Variants in ZNF516 observed in about 807,000 individuals in gnomAD.
ZNF516 encodes zinc finger protein 516.
A neutral mutation model predicts 79.7 loss-of-function variants in ZNF516; 19 were observed. The ratio of observed to expected loss-of-function variants is 0.24; its 90% CI spans 0.17 to 0.35. The LOEUF is 0.35. ZNF516 is among the 10% of genes least tolerant of loss of function. The pLI, the probability that ZNF516 is intolerant of heterozygous loss-of-function variation, is 1.00. For missense variants in ZNF516, 1,678 were observed against 1,679.5 expected (o/e 1.00, Z 0.02); for synonymous variants, 877 against 739.5 (o/e 1.19, Z -3.02).
chr18:76,411,497 G>A (rs59709392), intron 3 of ZNF516, among the ~76,000 whole-genome samples: 2,836 of 152,318 alleles, frequency 0.019, 49 homozygotes, highest in African/African-American at 0.04. Context: ...AGAGTTAATA[G>A]ACAAGACACT....
chr18:76,446,131 C>G (rs899436015), intron 2 of ZNF516, among the ~76,000 whole-genome samples: 6 of 152,020 alleles, frequency 3.9e-5, no homozygotes, highest in Non-Finnish European at 8.8e-5. Flanking sequence ...CCTTCACGCC[C>G]TCAACTCGTC....
intron 1 of ZNF516, among the ~76,000 whole-genome samples, chr18:76,479,208 G>A (rs1379477124): frequency 2.0e-5 from 3 of 152,204 alleles, no homozygotes; most frequent in African/African-American, 7.2e-5. Context: ...TTGAATAAAA[G>A]GGGCCTTGAC....
At chr18:76,381,640 C>A (rs1292987398) in intron 3 of ZNF516, among the ~76,000 whole-genome samples, 1 of 152,190 alleles carries the variant, frequency 6.6e-6, no homozygotes, top group African/African-American at 2.4e-5. Context: ...AAGGCACTTG[C>A]CCAGATCTGA....
chr18:76,407,606 C>T (rs115220679), intron 3 of ZNF516, among the ~76,000 whole-genome samples: 1,643 of 152,330 alleles, frequency 0.011, 31 homozygotes, highest in African/African-American at 0.038. Flanking sequence ...CACTCGTCCA[C>T]CACCAAGCAT....
chr18:76,466,826 G>T (rs550599608), intron 1 of ZNF516, among the ~76,000 whole-genome samples: 1 of 152,354 alleles, frequency 6.6e-6, no homozygotes, highest in South Asian at 2.1e-4. Context: ...CAGGAGACAG[G>T]ATGACACAGA....
At chr18:76,365,376 C>A (rs1187635186) in intron 6 of ZNF516, among the ~76,000 whole-genome samples, 2 of 151,986 alleles carry the variant, frequency 1.3e-5, no homozygotes, top group Non-Finnish European at 2.9e-5. Flanking sequence ...TTCTTGGTTT[C>A]AAAAATCATT....
chr18:76,368,227 CTACCTAT>C (rs1034125273), intron 6 of ZNF516, among the ~76,000 whole-genome samples: 3 of 152,094 alleles, frequency 2.0e-5, no homozygotes, highest in African/African-American at 4.8e-5. Context: ...ATTTAAACCT[CTACCTAT>C]TACTGATGTG....
intron 1 of ZNF516, chr18:76,490,843 G>A (rs919309633): frequency 3.0e-6 from 3 of 985,472 alleles, no homozygotes; most frequent in South Asian, 4.7e-5. Flanking sequence ...GTTACGCAGG[G>A]GACACCCCTG....
chr18:76,412,512 C>T (rs1050884547), intron 3 of ZNF516, among the ~76,000 whole-genome samples: 5 of 152,182 alleles, frequency 3.3e-5, no homozygotes, highest in African/African-American at 4.8e-5. Context: ...ACTCTACGAA[C>T]CCACCTGGCG....
At chr18:76,388,714 A>G (rs1330326541) in intron 3 of ZNF516, 1 of 152,276 alleles carries the variant, frequency 6.6e-6, no homozygotes, top group African/African-American at 2.4e-5. Context: ...AAATCCCGTA[A>G]GGAAAAACAA....
At chr18:76,385,307 C>T (rs532368512) in intron 3 of ZNF516, among the ~76,000 whole-genome samples, 22 of 152,322 alleles carry the variant, frequency 1.4e-4, no homozygotes, top group South Asian at 2.1e-4. Context: ...CGCACACCGC[C>T]GACAAGCATG....
chr18:76,382,671 G>A (rs1306228152), intron 3 of ZNF516, among the ~76,000 whole-genome samples: 1 of 152,216 alleles, frequency 6.6e-6, no homozygotes, highest in African/African-American at 2.4e-5. Context: ...AGCACTTTGG[G>A]AGGCCGAGGC....
intron 3 of ZNF516, among the ~76,000 whole-genome samples, chr18:76,383,794 G>A (rs532416802): frequency 1.3e-5 from 2 of 152,352 alleles, no homozygotes; most frequent in East Asian, 3.9e-4. Flanking sequence ...AGGCCCAAGC[G>A]CTCCCCGCAT....
chr18:76,447,187 A>T (rs1435122543), intron 2 of ZNF516, among the ~76,000 whole-genome samples: 8 of 152,268 alleles, frequency 5.3e-5, no homozygotes, highest in African/African-American at 1.9e-4. Context: ...AAAAAAGAAC[A>T]AGAATGCTGT....
In ZNF516 at chr18:76,359,244, G is replaced by T. The variant is rs963603991; in HGVS notation, c.*3254C>A. The T allele has an allele frequency of 6.6e-6, 1 of 152,224 alleles. No individual in the cohort carries two copies. Among genetic ancestry groups the T allele is most frequent in the East Asian group, 1.9e-4 (1 of 5,172 alleles). 9.4% of individuals were successfully genotyped at this position (152,224 alleles called of 1,614,324 possible). ...TAAAAAATAAATAAGTAAATATTGG[G>T]GGACCTCTTAAAACACTTAATACTT... On this transcript the variant is annotated 3_prime_UTR_variant, in exon 7 of 7. Transcript: ENST00000443185.
At position 76,467,328 on chromosome 18, in the gene ZNF516, T is replaced by C. The variant is rs12967319; in HGVS notation, c.-271-4187A>G. 6.2e-4 allele frequency among the ~76,000 whole-genome samples: 67 copies of C among 108,038 alleles called. No individual in the cohort carries two copies. Among genetic ancestry groups the C allele is most frequent in the African/African-American group, 1.8e-3 (45 of 25,714 alleles). The allele number at this position is 108,038 out of a possible 152,430, so 70.9% of individuals were successfully genotyped here. On this transcript the variant is annotated intron_variant, in intron 1 of 6. Coordinates refer to ENST00000443185, the MANE Select transcript of ZNF516 (RefSeq NM_014643.4). The surrounding 1 kb of genome is among the most constrained non-coding windows in gnomAD (Gnocchi z 4.2). ...ACCTGCAGCTGACAGCCCCTCTGGG[T>C]TGGCAGGAAGTCCTGCGTGTCTCTC...
intron 5 of ZNF516, 75 bp from the exon 6 acceptor site, chr18:76,370,670 G>T: frequency 7.9e-7 from 1 of 1,260,528 alleles, no homozygotes; most frequent in Non-Finnish European, 1.1e-6. Flanking sequence ...GTCCATTACA[G>T]ATTAAGTACT....
chr18:76,369,691 A>C lies in ZNF516; in HGVS notation c.3432+837T>G, dbSNP rs531684350. Among the ~76,000 whole-genome samples, 109 of 152,338 alleles carry C rather than the reference A, an allele frequency of 7.2e-4. 1 individual carries two copies. Among genetic ancestry groups the C allele is most frequent in the Non-Finnish European group, 1.3e-3 (91 of 68,028 alleles). On this transcript the variant is annotated intron_variant, in intron 6 of 6. Transcript: ENST00000443185. ...ATTAGATATTTCAGCGCAGGGACAC[A>C]AACTGAATTCCACCACCCAGACACG...
At chr18:76,480,530 T>TATATATATA (rs755045197) in intron 1 of ZNF516, among the ~76,000 whole-genome samples, 589 of 23,404 alleles carry the variant, frequency 0.025, 2 homozygotes, top group Non-Finnish European at 0.036. Context: ...CACACATATA[T>TATATATATA]TTTTTTTTTT....
Sources: gnomAD v4.1 joint callset for allele counts (sites outside exome capture counted in the v4.1 genomes callset) on GRCh38, gnomAD v4.1.1 for gene constraint, Gnocchi (gnomAD v3.1) non-coding constraint, MANE v1.5 for transcripts, NCBI Gene and HGNC (gene_info 2026-07-23, HGNC 2026-07-21) for gene names.